Variants in WRN observed in about 807,000 individuals in gnomAD.
WRN encodes the protein WRN RecQ like helicase.
Under a neutral mutation model 180.7 loss-of-function variants are expected in WRN, and 149 were observed. The observed-to-expected ratio is 0.82, with a 90% confidence interval of 0.72 to 0.94. The LOEUF is 0.94. Among genes scored for constraint, WRN ranks in the 40% least tolerant of loss-of-function variants. WRN has a pLI of 0.00. For synonymous variants in WRN, 548 were observed against 568.9 expected (o/e 0.96, Z 0.52); for missense variants, 1,661 against 1,700.1 (o/e 0.98, Z 0.40).
At chr8:31,142,831 C>A in intron 27 of WRN, 130 bp downstream of exon 27, 2 of 780,574 alleles carry the variant, frequency 2.6e-6, no homozygotes, top group Non-Finnish European at 4.0e-6. Context: ...AAAATTCGGC[C>A]AGGGAAGTGA....
intron 19 of WRN, among the ~76,000 whole-genome samples, chr8:31,112,409 C>T (rs536849113): frequency 7.2e-5 from 11 of 152,224 alleles, no homozygotes; most frequent in African/African-American, 1.9e-4. Context: ...CTATTGTAGG[C>T]GCTTTCTATA....
In WRN at chr8:31,174,906, CTTTTT is replaced by C. The variant is rs1424065488; in HGVS notation, c.*1805_*1809del. ...TTTCTCTCTCTCTCTCTCTTTCTTT[CTTTTT>C]CTTTCTCTTTTTCTTTCTTTCAAGC... On this transcript the variant is annotated 3_prime_UTR_variant, in exon 35 of 35. Transcript: ENST00000298139. 9.5e-5 allele frequency among the ~76,000 whole-genome samples: 13 copies of C among 136,448 alleles called. No homozygotes were observed. The highest frequency in any genetic ancestry group is 3.8e-3 in the Middle Eastern group (1 of 264). The allele number at this position is 136,448 out of a possible 152,430, so 89.5% of individuals were successfully genotyped here. A position where few individuals can be genotyped will look rare whatever the true frequency, so the allele number is the denominator to read the frequency against.
intron 16 of WRN, among the ~76,000 whole-genome samples, chr8:31,095,213 T>A (rs1418904774): frequency 1.3e-5 from 2 of 152,222 alleles, no homozygotes; most frequent in Non-Finnish European, 2.9e-5. Context: ...TTTCATACAC[T>A]TATTGGCCAT....
intron 10 of WRN, among the ~76,000 whole-genome samples, chr8:31,084,618 GAA>G (rs1456106537): frequency 1.3e-5 from 2 of 152,020 alleles, no homozygotes; most frequent in African/African-American, 4.8e-5. Flanking sequence ...CCAAATTATT[GAA>G]AAGTTTCCTC....
chr8:31,052,014 G>T (rs1231020947), intron 1 of WRN, among the ~76,000 whole-genome samples: 1 of 152,212 alleles, frequency 6.6e-6, no homozygotes, highest in Admixed American at 6.5e-5. Context: ...ACGTTGTTAT[G>T]CTTAAGTATT....
chr8:31,083,389 G>A (rs2344454), intron 9 of WRN, among the ~76,000 whole-genome samples: 6 of 152,166 alleles, frequency 3.9e-5, no homozygotes, highest in Admixed American at 3.3e-4. Context: ...GAGACACAGT[G>A]TGACATTGTT....
Position 31,153,188 on chromosome 8 carries a change from A to G in WRN, c.3688-1436A>G, listed in dbSNP as rs551998524. Among the ~76,000 whole-genome samples, 5 of 152,304 alleles carry G rather than the reference A, an allele frequency of 3.3e-5. No individual in the cohort carries two copies. In the South Asian group the frequency reaches 6.2e-4, roughly 19 times the overall value. ...TAAATTAATGAATTTCCTTTCTAAT[A>G]TATACACTGATATTTATACACACAT... On this transcript the variant is annotated intron_variant, in intron 31 of 34. Transcript: ENST00000298139.
At chr8:31,089,687 T>C (rs11574245) in intron 13 of WRN, among the ~76,000 whole-genome samples, 14,731 of 152,016 alleles carry the variant, frequency 0.097, 776 homozygotes, top group African/African-American at 0.13. Flanking sequence ...AGTAACAGCA[T>C]GCCAGAAGAC....
In WRN at chr8:31,109,522, C is replaced by T. The variant is rs184349979; in HGVS notation, c.2089-2093C>T. 1.7e-3 allele frequency among the ~76,000 whole-genome samples: 256 copies of T among 152,168 alleles called. 2 individuals carry two copies. The highest frequency in any genetic ancestry group is 6.6e-4 in the Non-Finnish European group (45 of 68,006). ...CATTTTTTTTGCTGAAAAAACTGAG[C>T]CCTTGCAAATGTCAGTTGCAAATCT... On this transcript the variant is annotated intron_variant, in intron 18 of 34. Coordinates refer to ENST00000298139, the MANE Select transcript of WRN (RefSeq NM_000553.6).
chr8:31,094,961 A>G (rs762890374), intron 16 of WRN, among the ~76,000 whole-genome samples: 14 of 152,118 alleles, frequency 9.2e-5, no homozygotes, highest in Non-Finnish European at 1.9e-4. Flanking sequence ...TACATTTTCA[A>G]CGCTTTTGCA....
intron 1 of WRN, among the ~76,000 whole-genome samples, chr8:31,044,384 T>TCTCA (rs1811775668): frequency 8.8e-6 from 1 of 113,806 alleles, no homozygotes; most frequent in Non-Finnish European, 1.7e-5. Flanking sequence ...TGAGATAGAG[T>TCTCA]CTCACTCTGT....
At chr8:31,101,612 C>A (rs1800860900) in intron 18 of WRN, among the ~76,000 whole-genome samples, 1 of 151,640 alleles carries the variant, frequency 6.6e-6, no homozygotes, top group South Asian at 2.1e-4. Context: ...CATGGTGAAA[C>A]CCTGTCTCTA....
intron 3 of WRN, among the ~76,000 whole-genome samples, chr8:31,063,273 T>C (rs913096977): frequency 6.6e-6 from 1 of 152,238 alleles, no homozygotes; most frequent in African/African-American, 2.4e-5. Context: ...ACACTACGTT[T>C]TTGAGAATTT....
At chr8:31,157,895 T>C (rs1803453137) in intron 33 of WRN, among the ~76,000 whole-genome samples, 1 of 152,076 alleles carries the variant, frequency 6.6e-6, no homozygotes, top group African/African-American at 2.4e-5. Context: ...GCCCAGCTAT[T>C]TTTTGTATTT....
chr8:31,154,931 C>T (rs1156355171), intron 32 of WRN, among the ~76,000 whole-genome samples, 176 bp downstream of exon 32: 1 of 152,100 alleles, frequency 6.6e-6, no homozygotes, highest in East Asian at 1.9e-4. Context: ...TTAAGCCTCC[C>T]TGTTAAGTAA....
At chr8:31,130,256 G>T (rs1382624491) in intron 23 of WRN, among the ~76,000 whole-genome samples, 2 of 152,014 alleles carry the variant, frequency 1.3e-5, no homozygotes, top group South Asian at 2.1e-4. Context: ...TAATAGAAAA[G>T]AAAATTAATC....
At chr8:31,034,475 A>G (rs2129878964) in intron 1 of WRN, among the ~76,000 whole-genome samples, 1 of 152,240 alleles carries the variant, frequency 6.6e-6, no homozygotes, top group South Asian at 2.1e-4. Context: ...GAAGAGGGTA[A>G]TATAATTCTT....
At chr8:31,063,878 C>A (rs1812590238) in intron 3 of WRN, among the ~76,000 whole-genome samples, 2 of 152,066 alleles carry the variant, frequency 1.3e-5, no homozygotes, top group Middle Eastern at 3.2e-3. Flanking sequence ...TGTGTGCCAC[C>A]AAGCCCAGCT....
At chr8:31,115,272 A>G (rs1221567689) in intron 19 of WRN, among the ~76,000 whole-genome samples, 1 of 152,204 alleles carries the variant, frequency 6.6e-6, no homozygotes, top group Admixed American at 6.5e-5. Flanking sequence ...AATTTTTGAT[A>G]TTGAAGCCCA....
Sources: allele counts gnomAD v4.1 joint callset (sites outside exome capture counted in the v4.1 genomes callset), GRCh38; gene constraint gnomAD v4.1.1; transcripts MANE v1.5; gene names NCBI Gene and HGNC (gene_info 2026-07-23, HGNC 2026-07-21).